The following DCC variants were observed in gnomAD, a reference collection of about 807,000 sequenced individuals.
DCC encodes the protein DCC netrin 1 receptor.
DCC carries 58 observed loss-of-function variants against 172.5 expected under a neutral mutation model. That is an observed-to-expected ratio of 0.34 (90% confidence interval 0.27 to 0.42). The LOEUF is 0.42. Among genes scored for constraint, DCC ranks in the 10% least tolerant of loss-of-function variants. The probability of loss-of-function intolerance (pLI) is 1.00; values close to 1 mark genes in which losing one functional copy is unlikely to be tolerated. For missense variants in DCC, 1,740 were observed against 1,791.0 expected (o/e 0.97, Z 0.51); for synonymous variants, 709 against 644.5 (o/e 1.10, Z -1.52).
Position 52,905,958 on chromosome 18 carries a change from A to T in DCC, c.413-86A>T, listed in dbSNP as rs548353686. On this transcript the variant is annotated intron_variant, in intron 2 of 28. Transcript: ENST00000442544. Reference sequence around the variant, plus strand: ...AACAGCTTGTAAAATATAATTTTCTACAAAGAATACAAAGTGATTATTTTT... The same window carrying T: ...AACAGCTTGTAAAATATAATTTTCTTCAAAGAATACAAAGTGATTATTTTT... 1.2e-3 allele frequency: 1,101 copies of T among 943,694 alleles called. 21 individuals carry two copies. In the South Asian group the frequency reaches 0.014, roughly 12 times the overall value. The allele number at this position is 943,694 out of a possible 1,614,324, so 58.5% of individuals were successfully genotyped here. A position where few individuals can be genotyped will look rare whatever the true frequency, so the allele number is the denominator to read the frequency against.
chr18:52,383,677 T>G (rs1462562029), intron 1 of DCC, among the ~76,000 whole-genome samples: 1 of 152,040 alleles, frequency 6.6e-6, no homozygotes, highest in African/African-American at 2.4e-5. Flanking sequence ...ATGTTGTTTT[T>G]CTAAAACACC....
chr18:52,361,730 G>A (rs1266355158), intron 1 of DCC, among the ~76,000 whole-genome samples: 2 of 152,210 alleles, frequency 1.3e-5, no homozygotes, highest in African/African-American at 4.8e-5. Flanking sequence ...CCAGGTGATG[G>A]CTATGCAAGT....
At chr18:52,827,457 TAG>T (rs2038532520) in intron 2 of DCC, among the ~76,000 whole-genome samples, 1 of 152,264 alleles carries the variant, frequency 6.6e-6, no homozygotes, top group Non-Finnish European at 1.5e-5. Flanking sequence ...GCAACTTCTC[TAG>T]AGTCTTGTCA....
chr18:53,155,324 G>T (rs2054712864), intron 7 of DCC, among the ~76,000 whole-genome samples: 1 of 152,152 alleles, frequency 6.6e-6, no homozygotes, highest in African/African-American at 2.4e-5. Context: ...TAGGGAAAAT[G>T]GACCACAAAA....
Position 53,450,504 on chromosome 18 carries a change from G to T in DCC, c.3234G>T (p.Pro1078=). The part of the protein sequence containing the change: ...NLIDRSTLNE[P]PIGQMHPPHG... ...CATTTTCCTGTCTTTTCCCAGAGCC[G>T]CCAATTGGACAAATGCACCCCCCGC... Residue 1078 remains proline, a synonymous_variant, in exon 23 of 29, where the codon CCG becomes CCT. Transcript: ENST00000442544. 1.2e-6 allele frequency: 2 copies of T among 1,613,730 alleles called. No homozygotes were observed. Among genetic ancestry groups the T allele is most frequent in the Non-Finnish European group, 1.7e-6 (2 of 1,179,914 alleles).
At chr18:52,949,580 G>A (rs2040602778) in intron 5 of DCC, among the ~76,000 whole-genome samples, 1 of 152,198 alleles carries the variant, frequency 6.6e-6, no homozygotes. Context: ...AATGGCTGAT[G>A]ATTCCTCAAA....
At chr18:53,007,766 T>A (rs2041667291) in intron 5 of DCC, among the ~76,000 whole-genome samples, 2 of 152,104 alleles carry the variant, frequency 1.3e-5, no homozygotes, top group African/African-American at 4.8e-5. Context: ...GACCAGGAAA[T>A]TAATATGAAC....
At chr18:53,427,573 C>CT (rs35773951) in intron 21 of DCC, among the ~76,000 whole-genome samples, 65,174 of 151,174 alleles carry the variant, frequency 0.43, 15,796 homozygotes, top group Non-Finnish European at 0.55. Context: ...GGGAGATAGT[C>CT]AAGTGTAGTT....
intron 5 of DCC, among the ~76,000 whole-genome samples, chr18:52,979,137 T>A (rs987653245): frequency 2.0e-5 from 3 of 152,186 alleles, no homozygotes; most frequent in Non-Finnish European, 4.4e-5. Flanking sequence ...CATAAAAGTA[T>A]AATTATATTT....
At chr18:52,468,964 T>C (rs1440988705) in intron 1 of DCC, among the ~76,000 whole-genome samples, 1 of 152,194 alleles carries the variant, frequency 6.6e-6, no homozygotes, top group Non-Finnish European at 1.5e-5. Flanking sequence ...TTTTGTAAAC[T>C]GACAACAATA....
chr18:52,985,041 A>AT (rs1325149179), intron 5 of DCC, among the ~76,000 whole-genome samples: 8 of 152,076 alleles, frequency 5.3e-5, no homozygotes, highest in Middle Eastern at 3.4e-3. Flanking sequence ...GTGAAAATAC[A>AT]TTTTTCTTAA....
At chr18:52,984,608 A>G (rs912435949) in intron 5 of DCC, among the ~76,000 whole-genome samples, 13 of 152,096 alleles carry the variant, frequency 8.5e-5, no homozygotes, top group African/African-American at 3.1e-4. Flanking sequence ...AACTTTTATT[A>G]TATCTTCTTT....
chr18:52,612,924 T>C (rs1379674822), intron 1 of DCC, among the ~76,000 whole-genome samples: 1 of 152,218 alleles, frequency 6.6e-6, no homozygotes, highest in African/African-American at 2.4e-5. Context: ...TTATGTTATT[T>C]TGGGGTGTTT....
At chr18:53,134,309 G>GTT (rs1163630148) in intron 7 of DCC, among the ~76,000 whole-genome samples, 1 of 152,026 alleles carries the variant, frequency 6.6e-6, no homozygotes, top group Non-Finnish European at 1.5e-5. Flanking sequence ...TTTAATTATA[G>GTT]TTTTATATAA....
intron 5 of DCC, among the ~76,000 whole-genome samples, chr18:53,031,199 C>T (rs2042021323): frequency 6.6e-6 from 1 of 152,144 alleles, no homozygotes; most frequent in East Asian, 1.9e-4. Flanking sequence ...GCAGAGGTTG[C>T]AGTGAGCTGA....
chr18:53,493,190 G>C (rs1458769488), intron 26 of DCC, among the ~76,000 whole-genome samples: 1 of 152,174 alleles, frequency 6.6e-6, no homozygotes, highest in Non-Finnish European at 1.5e-5. Flanking sequence ...CTGAGCCTTT[G>C]CTGAAGTTGC....
intron 15 of DCC, among the ~76,000 whole-genome samples, chr18:53,381,568 C>T (rs1186026214): frequency 1.9e-5 from 2 of 106,714 alleles, no homozygotes; most frequent in Non-Finnish European, 3.9e-5. Flanking sequence ...CCACCCCCCC[C>T]CCACCACCAC....
chr18:52,586,082 C>CAAAAAAAA (rs5824949), intron 1 of DCC, among the ~76,000 whole-genome samples: 19 of 73,236 alleles, frequency 2.6e-4, no homozygotes, highest in South Asian at 1.2e-3. Context: ...GACTCCGTCT[C>CAAAAAAAA]AAAAAAAAAA....
chr18:52,765,796 C>T (rs780873570), intron 2 of DCC, among the ~76,000 whole-genome samples: 13 of 152,170 alleles, frequency 8.5e-5, no homozygotes, highest in Middle Eastern at 3.2e-3. Context: ...AGCTAGTCAG[C>T]CTCAGAATCT....
Sources: gnomAD v4.1 joint callset for allele counts (sites outside exome capture counted in the v4.1 genomes callset) on GRCh38, gnomAD v4.1.1 for gene constraint, MANE v1.5 for transcripts, NCBI Gene and HGNC (gene_info 2026-07-23, HGNC 2026-07-21) for gene names.